ITPR1: variants seen among roughly 807,000 people sequenced by gnomAD.
ITPR1 encodes the protein inositol 1,4,5-trisphosphate-gated calcium channel ITPR1.
ITPR1 carries 96 observed loss-of-function variants against 318.4 expected under a neutral mutation model. The observed-to-expected ratio is 0.30, with a 90% CI of 0.26 to 0.36. The LOEUF is 0.36. Ranked by LOEUF, ITPR1 falls within the 10% of genes least tolerant of loss-of-function variation. The pLI is 1.00. For missense variants in ITPR1, 2,440 were observed against 3,460.2 expected (o/e 0.71, Z 7.40); for synonymous variants, 1,312 against 1,289.9 (o/e 1.02, Z -0.37).
intron 4 of ITPR1, among the ~76,000 whole-genome samples, chr3:4,606,414 G>A (rs944009081): frequency 1.3e-5 from 2 of 152,138 alleles, no homozygotes; most frequent in African/African-American, 2.4e-5. Flanking sequence ...TCTGAGGCAG[G>A]TCTCAATCAG....
intron 4 of ITPR1, among the ~76,000 whole-genome samples, chr3:4,521,749 G>T (rs1193621847): frequency 6.6e-6 from 1 of 152,112 alleles, no homozygotes; most frequent in East Asian, 1.9e-4. Flanking sequence ...TGCACCTGTA[G>T]TCCCAGCTAC....
chr3:4,764,562 C>T (rs1392802630), intron 44 of ITPR1, among the ~76,000 whole-genome samples: 1 of 152,148 alleles, frequency 6.6e-6, no homozygotes, highest in Non-Finnish European at 1.5e-5. Flanking sequence ...GCCTTGATTG[C>T]TGTGAAGAAG....
chr3:4,830,378 T>TA (rs2050395001), intron 60 of ITPR1, among the ~76,000 whole-genome samples: 1 of 152,184 alleles, frequency 6.6e-6, no homozygotes, highest in Admixed American at 6.5e-5. Context: ...TTGGAGGGTT[T>TA]AGGTTTCATT....
chr3:4,778,791 T>C (rs2046638184), intron 48 of ITPR1, among the ~76,000 whole-genome samples: 1 of 152,150 alleles, frequency 6.6e-6, no homozygotes, highest in Non-Finnish European at 1.5e-5. Context: ...ACTCAACTGC[T>C]GTGACCTAAA....
intron 4 of ITPR1, among the ~76,000 whole-genome samples, chr3:4,576,521 A>C (rs2088681895): frequency 1.3e-5 from 2 of 152,202 alleles, no homozygotes; most frequent in African/African-American, 4.8e-5. Context: ...GCTTGGAAGC[A>C]AAAAAGGATA....
chr3:4,561,490 A>G (rs2086668256), intron 4 of ITPR1, among the ~76,000 whole-genome samples: 1 of 152,194 alleles, frequency 6.6e-6, no homozygotes, highest in African/African-American at 2.4e-5. Context: ...ACATAATTTT[A>G]TAGAATATGT....
intron 22 of ITPR1, 43 bp downstream of exon 22, chr3:4,674,386 A>C (rs781503092): frequency 1.9e-5 from 29 of 1,531,580 alleles, no homozygotes; most frequent in Non-Finnish European, 3.5e-6. Context: ...TCTGCCTCTC[A>C]GTGGTCATTT....
chr3:4,632,883 G>A (rs2093056341), intron 5 of ITPR1, among the ~76,000 whole-genome samples: 1 of 141,886 alleles, frequency 7.0e-6, no homozygotes. Context: ...AAAAAAGGAA[G>A]CCAGTTCTTT....
At chr3:4,579,385 C>T (rs919581927) in intron 4 of ITPR1, among the ~76,000 whole-genome samples, 2 of 152,020 alleles carry the variant, frequency 1.3e-5, no homozygotes, top group African/African-American at 4.8e-5. Flanking sequence ...TACTAAATGG[C>T]TGAATATGTA....
chr3:4,832,458 C>T (rs1345602097), intron 60 of ITPR1, among the ~76,000 whole-genome samples: 1 of 152,094 alleles, frequency 6.6e-6, no homozygotes, highest in Non-Finnish European at 1.5e-5. Context: ...AGTTCAAGAC[C>T]AGTCTCTACT....
rs758372914 is a variant in ITPR1, at chr3:4,733,168, C to G, written c.5301C>G (p.Ser1767Arg). 3 of 1,613,984 alleles carry G rather than the reference C, an allele frequency of 1.9e-6. No individual in the cohort carries two copies. Among genetic ancestry groups the G allele is most frequent in the Non-Finnish European group, 2.5e-6 (3 of 1,179,868 alleles). ...RPSGRRESLTSFGNGPLSAGG... is the reference protein window; with the variant it reads ...RPSGRRESLTRFGNGPLSAGG... ...CGGGACGAAGAGAGAGCCTTACCAG[C>G]TTTGGCAATGGCCCACTGTCAGCAG... The change falls in exon 43 of 62, where the codon AGC (serine) becomes AGG (arginine). Residue 1767 changes from serine to arginine, a missense_variant. Transcript: ENST00000649015.
chr3:4,627,181 A>G (rs1233635803), intron 4 of ITPR1, among the ~76,000 whole-genome samples: 1 of 151,788 alleles, frequency 6.6e-6, no homozygotes, highest in Admixed American at 6.6e-5. Flanking sequence ...AAAAAAAAAA[A>G]TACTTGTATG....
chr3:4,520,445 C>T (rs1040814391), intron 3 of ITPR1, among the ~76,000 whole-genome samples: 5 of 152,272 alleles, frequency 3.3e-5, no homozygotes, highest in East Asian at 3.9e-4. Context: ...CACCTGGAAA[C>T]GCTCCCCTCT....
At chr3:4,644,038 C>A in intron 7 of ITPR1, 98 bp from the exon 8 acceptor site, 2 of 765,466 alleles carry the variant, frequency 2.6e-6, no homozygotes, top group Non-Finnish European at 2.3e-6. Flanking sequence ...GCCTTGCCTT[C>A]TTCAGCACAG....
At chr3:4,747,570 A>G (rs1183667076) in intron 44 of ITPR1, among the ~76,000 whole-genome samples, 1 of 152,222 alleles carries the variant, frequency 6.6e-6, no homozygotes, top group African/African-American at 2.4e-5. Flanking sequence ...CCTGATAATC[A>G]GAAGGCAGCT....
At chr3:4,813,329 C>T (rs899779937) in intron 57 of ITPR1, 95 bp downstream of exon 57, 5 of 844,632 alleles carry the variant, frequency 5.9e-6, no homozygotes, top group Non-Finnish European at 9.5e-6. Context: ...AAATTTACTG[C>T]TCAGGAGTAA....
intron 4 of ITPR1, among the ~76,000 whole-genome samples, chr3:4,555,391 T>C (rs1034168555): frequency 6.6e-6 from 1 of 152,232 alleles, no homozygotes; most frequent in Non-Finnish European, 1.5e-5. Flanking sequence ...TTCCTATTCA[T>C]TTGAAGGCAT....
chr3:4,747,553 G>C (rs1489566754), intron 44 of ITPR1, among the ~76,000 whole-genome samples: 1 of 152,194 alleles, frequency 6.6e-6, no homozygotes, highest in Non-Finnish European at 1.5e-5. Flanking sequence ...GGGAGACACT[G>C]TGCCCTCCTG....
intron 4 of ITPR1, among the ~76,000 whole-genome samples, chr3:4,551,120 G>A (rs1173613549): frequency 6.6e-6 from 1 of 152,200 alleles, no homozygotes; most frequent in Non-Finnish European, 1.5e-5. Context: ...GATACCAGCT[G>A]CGGCATCTCA....
Sources: gnomAD v4.1 joint callset for allele counts (sites outside exome capture counted in the v4.1 genomes callset) on GRCh38, gnomAD v4.1.1 for gene constraint, MANE v1.5 for transcripts, NCBI Gene and HGNC (gene_info 2026-07-23, HGNC 2026-07-21) for gene names.